Variants in DPH7 observed in about 807,000 individuals in gnomAD.
DPH7 encodes the protein diphthamide biosynthesis 7, also known as diphthine methyltransferase.
A neutral mutation model predicts 41.7 loss-of-function variants in DPH7; 44 were observed. The ratio of observed to expected loss-of-function variants is 1.05; its 90% CI spans 0.83 to 1.36. The LOEUF is 1.36. DPH7 is among the 40% of genes most tolerant of loss of function. DPH7 has a pLI of 0.00. For synonymous variants in DPH7, 275 were observed against 238.0 expected, an observed-to-expected ratio of 1.16 and a Z score of -1.43; for missense variants, 629 against 577.5, an observed-to-expected ratio of 1.09 and a Z score of -0.91.
chr9:137,558,935 C>T (rs763049093), intron 8 of DPH7, among the ~76,000 whole-genome samples: 2 of 152,030 alleles, frequency 1.3e-5, no homozygotes, highest in South Asian at 2.1e-4. Context: ...GGATTACAGG[C>T]GTGAGACACT....
At chr9:137,575,528 G>A in intron 3 of DPH7, 3 of 991,582 alleles carry the variant, frequency 3.0e-6, no homozygotes, top group Non-Finnish European at 3.6e-6. Context: ...CAGGCCCTCG[G>A]TTGGCCCAGC....
chr9:137,571,828 G>T (rs1271083374), intron 5 of DPH7, among the ~76,000 whole-genome samples: 5 of 152,072 alleles, frequency 3.3e-5, no homozygotes, highest in Non-Finnish European at 7.4e-5. Flanking sequence ...ACTTAAAAAA[G>T]AAAGCAGGAC....
intron 8 of DPH7, among the ~76,000 whole-genome samples, chr9:137,559,327 C>T (rs1024100764): frequency 1.3e-5 from 2 of 152,154 alleles, no homozygotes; most frequent in African/African-American, 2.4e-5. Context: ...TCTGGGAAGA[C>T]GCCCGTTGCC....
rs114463995 is a variant in DPH7 at position 137,572,073 on chromosome 9, C to T, written c.640+2135G>A. ...CAATGAGCAACACAAATAAGAACGC[C>T]GCCTTACACACGTGCTCGTCACTCG... On this transcript the variant is annotated intron_variant, in intron 5 of 8. Coordinates refer to ENST00000277540, the MANE Select transcript of DPH7 (RefSeq NM_138778.5). Among the ~76,000 whole-genome samples the T allele has an allele frequency of 7.3e-3, 1,113 of 152,252 alleles. 11 individuals carry two copies. Among genetic ancestry groups the T allele is most frequent in the African/African-American group, 0.025 (1,046 of 41,558 alleles).
chr9:137,576,033 T>A (rs1214039153), intron 3 of DPH7, 47 bp downstream of exon 3: 6 of 1,612,142 alleles, frequency 3.7e-6, no homozygotes, highest in Non-Finnish European at 5.1e-6. Flanking sequence ...CCCAACCCTC[T>A]CTATTCAGGT....
intron 5 of DPH7, among the ~76,000 whole-genome samples, chr9:137,573,408 G>A (rs1368008060): frequency 7.0e-6 from 1 of 143,874 alleles, no homozygotes; most frequent in Non-Finnish European, 1.5e-5. Flanking sequence ...GCCGGGTGCA[G>A]TGGCTCACAC....
chr9:137,564,973 G>C lies in DPH7; in HGVS notation c.711-15C>G, dbSNP rs202157040. The C allele has an allele frequency of 5.3e-5, 85 of 1,595,992 alleles. 1 individual carries two copies. The African/African-American group carries it at 9.2e-4, about 17-fold the overall frequency. ...CCATGGTGTGTCTGCAAGCAGAGGC[G>C]GCTTCTGAACCAGTGTCCAGCACAC... On this transcript the variant is annotated splice_polypyrimidine_tract_variant and intron_variant, in intron 6 of 8. Transcript: ENST00000277540.
intron 5 of DPH7, among the ~76,000 whole-genome samples, chr9:137,571,834 A>G (rs1840487261): frequency 6.6e-6 from 1 of 152,166 alleles, no homozygotes; most frequent in Non-Finnish European, 1.5e-5. Context: ...AAAAGAAAGC[A>G]GGACTTTTGT....
chr9:137,573,089 AG>A (rs1564455916), intron 5 of DPH7, among the ~76,000 whole-genome samples: 1 of 152,058 alleles, frequency 6.6e-6, no homozygotes, highest in Non-Finnish European at 1.5e-5. Flanking sequence ...GGGCGGGGCA[AG>A]GTGGCTCACG....
At chr9:137,561,471 A>G (rs1838579897) in intron 8 of DPH7, among the ~76,000 whole-genome samples, 1 of 142,494 alleles carries the variant, frequency 7.0e-6, no homozygotes, top group Non-Finnish European at 1.5e-5. Flanking sequence ...TGAACCCGGA[A>G]GGTGGAGGTT....
chr9:137,569,865 ACCATCCATCCAT>A (rs373776373), intron 5 of DPH7, among the ~76,000 whole-genome samples: 3 of 145,956 alleles, frequency 2.1e-5, no homozygotes, highest in African/African-American at 5.2e-5. Context: ...TCATCCACCC[ACCATCCATCCAT>A]CCATCCATCC....
rs1168201051 is a variant in DPH7, at chr9:137,578,842, T to C, written c.-65A>G. 23 of 1,330,390 alleles carry C rather than the reference T, an allele frequency of 1.7e-5. No individual in the cohort carries two copies. The highest frequency in any genetic ancestry group is 8.2e-5 in the Admixed American group (2 of 24,292). 82.4% of individuals were successfully genotyped at this position (1,330,390 alleles called of 1,614,324 possible). On this transcript the variant is annotated 5_prime_UTR_variant, in exon 1 of 9. Transcript: ENST00000277540. ...GGGTCGGCGGGGCCGGGCTGGGTAC[T>C]GCGCGGGGCGGCGAGGCCGGGGCCG...
chr9:137,570,023 C>T (rs1467688207), intron 5 of DPH7, among the ~76,000 whole-genome samples: 1 of 150,454 alleles, frequency 6.6e-6, no homozygotes, highest in Non-Finnish European at 1.5e-5. Context: ...ACCCCACCAC[C>T]ACCCACCATC....
chr9:137,563,837 G>A (rs1391322207), intron 8 of DPH7, among the ~76,000 whole-genome samples: 1 of 152,190 alleles, frequency 6.6e-6, no homozygotes, highest in Non-Finnish European at 1.5e-5. Flanking sequence ...AAGAAAATGT[G>A]AACCAGTTCT....
At position 137,570,948 on chromosome 9, in the gene DPH7, ACTGT is replaced by A. The variant is rs528321751; in HGVS notation, c.640+3256_640+3259del. 1.4e-4 allele frequency among the ~76,000 whole-genome samples: 21 copies of A among 152,188 alleles called. No individual in the cohort carries two copies. In the East Asian group the frequency reaches 3.5e-3, roughly 25 times the overall value. On this transcript the variant is annotated intron_variant, in intron 5 of 8. Transcript: ENST00000277540. ...CTATTACATATTATGCCTTGTGTTT[ACTGT>A]CTGTCTCCCCGCCACAGAATGTAAG...
chr9:137,570,807 A>G (rs1840298639), intron 5 of DPH7, among the ~76,000 whole-genome samples: 1 of 152,072 alleles, frequency 6.6e-6, no homozygotes, highest in South Asian at 2.1e-4. Context: ...CACCCTGACC[A>G]TGCTCTCCAA....
chr9:137,572,946 TCTGA>T (rs1439896788), intron 5 of DPH7, among the ~76,000 whole-genome samples: 2 of 152,168 alleles, frequency 1.3e-5, no homozygotes, highest in Admixed American at 1.3e-4. Context: ...GCATAAAGGA[TCTGA>T]CACCGAGCAT....
rs1480724644 is a variant in DPH7, at chr9:137,554,456, C to A, written c.*783G>T. Among the ~76,000 whole-genome samples, 1 of 152,084 alleles carries A rather than the reference C, an allele frequency of 6.6e-6. No individual in the cohort carries two copies. Among genetic ancestry groups the A allele is most frequent in the Non-Finnish European group, 1.5e-5 (1 of 68,018 alleles). On this transcript the variant is annotated 3_prime_UTR_variant, in exon 9 of 9. Coordinates refer to ENST00000277540, the MANE Select transcript of DPH7 (RefSeq NM_138778.5). ...TGGTTGTCCTCAATTATTGTTTATACAATTTTTTATTATTTAATTTTTAGA... is the reference window on the plus strand; with the variant it reads ...TGGTTGTCCTCAATTATTGTTTATAAAATTTTTTATTATTTAATTTTTAGA...
intron 8 of DPH7, chr9:137,557,002 G>T (rs1443162165): frequency 6.9e-6 from 3 of 432,384 alleles, no homozygotes; most frequent in Non-Finnish European, 1.4e-5. Flanking sequence ...TGTCGCATAG[G>T]CTGGAGTGCA....
Sources: gnomAD v4.1 joint callset for allele counts (sites outside exome capture counted in the v4.1 genomes callset) on GRCh38, gnomAD v4.1.1 for gene constraint, MANE v1.5 for transcripts, NCBI Gene and HGNC (gene_info 2026-07-23, HGNC 2026-07-21) for gene names.